Variants in CTNNA3 observed in about 807,000 individuals in gnomAD.
CTNNA3 encodes the protein catenin alpha-3.
In CTNNA3, 76 loss-of-function variants were observed where a neutral mutation model predicts 95.7. That is an observed-to-expected ratio of 0.79 (90% CI 0.66 to 0.96). CTNNA3 has a LOEUF of 0.96. Among genes scored for constraint, CTNNA3 ranks in the 40% least tolerant of loss-of-function variants. The pLI is 0.00. For synonymous variants in CTNNA3, 431 were observed against 374.4 expected (o/e 1.15, Z -1.74); for missense variants, 1,191 against 1,089.8 (o/e 1.09, Z -1.31).
rs541677635 is a variant in CTNNA3, at chr10:66,690,594, C to T, written c.1282-68810G>A. 1.9e-3 allele frequency among the ~76,000 whole-genome samples: 295 copies of T among 151,538 alleles called. 1 individual carries two copies. The highest frequency in any genetic ancestry group is 3.4e-3 in the Non-Finnish European group (232 of 67,930). On this transcript the variant is annotated intron_variant, in intron 9 of 17. Coordinates refer to ENST00000433211, the MANE Select transcript of CTNNA3 (RefSeq NM_013266.4). Reference sequence around the variant, plus strand: ...TGCGGTGTTTGGTTTTTTGTTCTTGCGATAGTTTACTGAGAATGATTCCCA... The same window carrying T: ...TGCGGTGTTTGGTTTTTTGTTCTTGTGATAGTTTACTGAGAATGATTCCCA...
intron 13 of CTNNA3, among the ~76,000 whole-genome samples, chr10:66,108,085 C>T (rs1330094220): frequency 6.6e-6 from 1 of 151,898 alleles, no homozygotes; most frequent in Non-Finnish European, 1.5e-5. Flanking sequence ...GTCACATGTT[C>T]AATGATTTCA....
chr10:66,148,346 C>T (rs917133519), intron 13 of CTNNA3, among the ~76,000 whole-genome samples: 2 of 151,996 alleles, frequency 1.3e-5, no homozygotes, highest in Admixed American at 6.6e-5. Flanking sequence ...ATAGTATCTA[C>T]TAGTTTTTAA....
intron 9 of CTNNA3, among the ~76,000 whole-genome samples, chr10:66,653,200 C>A (rs6480192): frequency 0.66 from 100,185 of 151,896 alleles, 33,934 homozygotes; most frequent in East Asian, 0.95. Context: ...ATCACATGAT[C>A]TTATAAATAG....
intron 9 of CTNNA3, among the ~76,000 whole-genome samples, chr10:66,742,213 G>C (rs80101922): frequency 0.013 from 1,933 of 152,224 alleles, 47 homozygotes; most frequent in African/African-American, 0.044. Flanking sequence ...GGCCGCTTTG[G>C]GGATGGCTGT....
intron 7 of CTNNA3, among the ~76,000 whole-genome samples, chr10:67,112,883 A>T (rs573728490): frequency 1.4e-4 from 21 of 152,222 alleles, no homozygotes; most frequent in Non-Finnish European, 2.4e-4. Flanking sequence ...CATTTTTTAA[A>T]AAAAAACATG....
chr10:66,674,421 G>C (rs993218731), intron 9 of CTNNA3, among the ~76,000 whole-genome samples: 2 of 151,726 alleles, frequency 1.3e-5, no homozygotes, highest in Non-Finnish European at 2.9e-5. Context: ...CTAGAGCCTT[G>C]GGTTAGCACT....
chr10:66,851,633 TACACACACAC>T (rs35986426), intron 7 of CTNNA3, among the ~76,000 whole-genome samples: 15 of 144,380 alleles, frequency 1.0e-4, no homozygotes, highest in South Asian at 2.3e-4. Flanking sequence ...TTCTCTCACA[TACACACACAC>T]ACACACACAC....
chr10:67,177,444 C>T (rs1862298284), intron 7 of CTNNA3, among the ~76,000 whole-genome samples: 1 of 152,188 alleles, frequency 6.6e-6, no homozygotes, highest in African/African-American at 2.4e-5. Context: ...ACCTAAAAGA[C>T]TCACAGGTTT....
intron 7 of CTNNA3, among the ~76,000 whole-genome samples, chr10:67,039,180 T>C (rs538353780): frequency 6.6e-6 from 1 of 152,236 alleles, no homozygotes; most frequent in East Asian, 1.9e-4. Context: ...CTTAACATTA[T>C]AACCAAAATT....
chr10:66,785,117 A>G (rs1327882378), intron 7 of CTNNA3, among the ~76,000 whole-genome samples: 1 of 152,148 alleles, frequency 6.6e-6, no homozygotes, highest in African/African-American at 2.4e-5. Context: ...GCTATTGCCT[A>G]GATCAGTAAA....
At chr10:66,592,437 C>T (rs996416279) in intron 10 of CTNNA3, among the ~76,000 whole-genome samples, 2 of 152,078 alleles carry the variant, frequency 1.3e-5, no homozygotes, top group Admixed American at 1.3e-4. Context: ...CTACAATGTT[C>T]CCCAATTGTA....
chr10:66,759,968 A>G (rs1482839938), intron 9 of CTNNA3, among the ~76,000 whole-genome samples: 1 of 152,088 alleles, frequency 6.6e-6, no homozygotes, highest in Non-Finnish European at 1.5e-5. Flanking sequence ...ATTTCTTTCA[A>G]TTCCTATTGG....
intron 7 of CTNNA3, among the ~76,000 whole-genome samples, chr10:67,063,091 C>T (rs1461493292): frequency 6.6e-6 from 1 of 152,146 alleles, no homozygotes; most frequent in East Asian, 1.9e-4. Context: ...CCTAACCAAA[C>T]CCTGACCGAT....
At chr10:67,093,386 T>G (rs963287779) in intron 7 of CTNNA3, among the ~76,000 whole-genome samples, 1 of 151,836 alleles carries the variant, frequency 6.6e-6, no homozygotes, top group Non-Finnish European at 1.5e-5. Flanking sequence ...ACTGTACTGT[T>G]GAACACCCTA....
At chr10:67,064,289 T>C (rs138078430) in intron 7 of CTNNA3, among the ~76,000 whole-genome samples, 6 of 152,330 alleles carry the variant, frequency 3.9e-5, no homozygotes, top group African/African-American at 9.6e-5. Flanking sequence ...AGCTACACTA[T>C]GTATTAGCAT....
intron 1 of CTNNA3, among the ~76,000 whole-genome samples, chr10:67,679,921 C>T (rs565401566): frequency 6.6e-6 from 1 of 152,280 alleles, no homozygotes; most frequent in South Asian, 2.1e-4. Flanking sequence ...TCACAAACTG[C>T]AGAATTGTTT....
At chr10:65,935,531 T>C (rs974948245) in intron 17 of CTNNA3, among the ~76,000 whole-genome samples, 5 of 152,190 alleles carry the variant, frequency 3.3e-5, no homozygotes, top group African/African-American at 9.6e-5. Flanking sequence ...AGAAATCTTA[T>C]TGAAAATGTT....
At chr10:66,128,545 G>T (rs2082933643) in intron 13 of CTNNA3, among the ~76,000 whole-genome samples, 1 of 152,082 alleles carries the variant, frequency 6.6e-6, no homozygotes, top group Non-Finnish European at 1.5e-5. Context: ...AAAAAAGCCA[G>T]TCGGAAAAGG....
At chr10:66,207,294 T>G (rs1825831410) in intron 13 of CTNNA3, among the ~76,000 whole-genome samples, 1 of 152,062 alleles carries the variant, frequency 6.6e-6, no homozygotes, top group African/African-American at 2.4e-5. Context: ...TTAAAACTTA[T>G]CTATCATATT....
Sources: allele counts gnomAD v4.1 joint callset (sites outside exome capture counted in the v4.1 genomes callset), GRCh38; gene constraint gnomAD v4.1.1; transcripts MANE v1.5; gene names NCBI Gene and HGNC (gene_info 2026-07-23, HGNC 2026-07-21).